The following USP42 variants were observed in gnomAD, a reference collection of about 807,000 sequenced individuals.
The protein encoded by USP42 is ubiquitin carboxyl-terminal hydrolase 42.
Under a neutral mutation model 113.0 loss-of-function variants are expected in USP42, and 23 were observed. The ratio of observed to expected loss-of-function variants is 0.20; its 90% CI spans 0.15 to 0.29. The LOEUF (loss-of-function observed/expected upper bound fraction) is 0.29. USP42 is among the 10% of genes least tolerant of loss of function. The pLI is 1.00. For missense variants in USP42, 2,174 were observed against 1,779.8 expected (o/e 1.22, Z -3.99); for synonymous variants, 933 against 699.0 (o/e 1.33, Z -5.28).
In USP42 at chr7:6,158,438, G is replaced by T. The variant is rs1017057808; in HGVS notation, c.3944-1012G>T. Among the ~76,000 whole-genome samples, 2 of 152,122 alleles carry T rather than the reference G, an allele frequency of 1.3e-5. No individual in the cohort carries two copies. Among genetic ancestry groups the T allele is most frequent in the African/African-American group, 4.8e-5 (2 of 41,428 alleles). ...GCTGCCCTGAGGCCTTTTGCTTCTC[G>T]GCTGAGTTGTGGGTTAGGTGGAGCT... On this transcript the variant is annotated intron_variant, in intron 16 of 17. Transcript: ENST00000306177. The surrounding 1 kb of genome is among the most constrained non-coding windows in gnomAD (Gnocchi z 4.2).
intron 3 of USP42, among the ~76,000 whole-genome samples, chr7:6,129,249 T>C (rs922780592): frequency 2.0e-5 from 3 of 152,214 alleles, no homozygotes; most frequent in African/African-American, 4.8e-5. Context: ...CCACTAGTTA[T>C]AATTGTTATA....
chr7:6,144,118 C>T lies in USP42; in HGVS notation c.912C>T (p.Phe304=). 1 of 1,581,036 alleles carries T rather than the reference C, an allele frequency of 6.3e-7. No homozygotes were observed. Among genetic ancestry groups the T allele is most frequent in the South Asian group, 1.2e-5 (1 of 83,718 alleles). Residue 304 remains phenylalanine, a synonymous_variant, in exon 9 of 18, where the codon TTC becomes TTT. Transcript: ENST00000306177. ...AGATGGTTCCAGCTTCAAAGAGGTT[C>T]ACTATCCATAGATCCTCTAATGTTC... ...CKKMVPASKR[F]TIHRSSNVLT...
At chr7:6,119,928 C>G (rs1780121769) in intron 3 of USP42, among the ~76,000 whole-genome samples, 2 of 151,804 alleles carry the variant, frequency 1.3e-5, no homozygotes, top group South Asian at 4.1e-4. Context: ...TCTTGAACTC[C>G]TACGCTTAAG....
At chr7:6,110,964 T>C (rs1779566334) in intron 1 of USP42, among the ~76,000 whole-genome samples, 161 bp from the exon 2 acceptor site, 1 of 152,210 alleles carries the variant, frequency 6.6e-6, no homozygotes, top group South Asian at 2.1e-4. Context: ...CCAAGGGGAT[T>C]ATTACAGAAA....
At position 6,160,000 on chromosome 7, in the gene USP42, G is replaced by A. The variant is rs1219760916; in HGVS notation, c.*36+507G>A. Among the ~76,000 whole-genome samples, 2 of 152,230 alleles carry A rather than the reference G, an allele frequency of 1.3e-5. No homozygotes were observed. The highest frequency in any genetic ancestry group is 4.8e-5 in the African/African-American group (2 of 41,462). On this transcript the variant is annotated intron_variant, in intron 17 of 17. Transcript: ENST00000306177. The surrounding 1 kb of genome is among the most constrained non-coding windows in gnomAD (Gnocchi z 4.1). ...AACCATAGGAAGGTGGCCCAGGGCC[G>A]GGCGGCAGATCAGGACCTCGGAGCT... is the stretch of plus-strand genomic sequence containing the variant.
rs755279154 is a variant in USP42 at position 6,139,057 on chromosome 7, A to AACG, written c.554-34_554-33insCGA. 3 of 1,439,878 alleles carry AACG rather than the reference A, an allele frequency of 2.1e-6. No homozygotes were observed. The African/African-American group carries it at 4.2e-5, about 20-fold the overall frequency. 89.2% of individuals were successfully genotyped at this position (1,439,878 alleles called of 1,614,324 possible). A position where few individuals can be genotyped will look rare whatever the true frequency, so the allele number is the denominator to read the frequency against. ...GGTACAACTTAGGCTTATTACGTGT[A>AACG]ATGATAAAGCCTTGTCTTTACCGAA... On this transcript the variant is annotated intron_variant, in intron 4 of 17. Transcript: ENST00000306177. This position sits in a 1 kb window ranked among gnomAD's most constrained non-coding sequence, Gnocchi z 4.5.
chr7:6,135,083 C>A (rs1781057964), intron 3 of USP42, among the ~76,000 whole-genome samples: 1 of 152,212 alleles, frequency 6.6e-6, no homozygotes, highest in Non-Finnish European at 1.5e-5. Context: ...AGCCATGGCG[C>A]CTGGCTTCCA....
chr7:6,139,022 T>C lies in USP42; in HGVS notation c.554-70T>C. 11 of 956,298 alleles carry C rather than the reference T, an allele frequency of 1.2e-5. No individual in the cohort carries two copies. Among genetic ancestry groups the C allele is most frequent in the Non-Finnish European group, 1.7e-5 (11 of 640,868 alleles). The allele number at this position is 956,298 out of a possible 1,614,324, so 59.2% of individuals were successfully genotyped here. A position where few individuals can be genotyped will look rare whatever the true frequency, so the allele number is the denominator to read the frequency against. On this transcript the variant is annotated intron_variant, in intron 4 of 17. Transcript: ENST00000306177. This position sits in a 1 kb window ranked among gnomAD's most constrained non-coding sequence, Gnocchi z 4.5. The stretch of plus-strand genomic sequence containing the variant: ...CCAACCAACATATTATTATAAGATA[T>C]ATTTTGGGGGGTACAACTTAGGCTT...
In USP42 at chr7:6,155,180, G is replaced by T; in HGVS notation, c.3626G>T (p.Arg1209Leu). ...KKKKKSKDKH[R>L]DRDSRHQQDS... ...AAAAAGAAATCCAAAGACAAACACCGAGACCGCGACTCCAGGTGAGCCTGG... is the reference window on the plus strand; with the variant it reads ...AAAAAGAAATCCAAAGACAAACACCTAGACCGCGACTCCAGGTGAGCCTGG... The change falls in exon 15 of 18, where the codon CGA becomes CTA. Residue 1209 changes from arginine to leucine, a missense_variant. Coordinates refer to ENST00000306177, the MANE Select transcript of USP42 (RefSeq NM_032172.3). 1 of 1,533,824 alleles carries T rather than the reference G, an allele frequency of 6.5e-7. No homozygotes were observed.
intron 17 of USP42, among the ~76,000 whole-genome samples, chr7:6,160,280 G>A (rs926160081): frequency 1.1e-4 from 16 of 152,202 alleles, no homozygotes; most frequent in African/African-American, 3.9e-4. Flanking sequence ...CCCTAATTAA[G>A]GAGCTAAACT....
At chr7:6,119,989 G>T (rs552148374) in intron 3 of USP42, among the ~76,000 whole-genome samples, 3 of 151,882 alleles carry the variant, frequency 2.0e-5, no homozygotes, top group Non-Finnish European at 4.4e-5. Flanking sequence ...TTTTTGAGAC[G>T]GAGTCTCGCT....
chr7:6,117,890 T>A (rs1200258375), intron 3 of USP42, among the ~76,000 whole-genome samples: 1 of 152,230 alleles, frequency 6.6e-6, no homozygotes, highest in African/African-American at 2.4e-5. Flanking sequence ...TTTGCTAAAA[T>A]GCCTGTTGAA....
chr7:6,155,877 G>A (rs973882914), intron 15 of USP42, among the ~76,000 whole-genome samples: 2 of 152,070 alleles, frequency 1.3e-5, no homozygotes, highest in African/African-American at 4.8e-5. Flanking sequence ...TCAGCCCTCA[G>A]CCTCTGGAGT....
At position 6,111,241 on chromosome 7, in the gene USP42, C is replaced by G. The variant is rs747020183; in HGVS notation, c.108C>G (p.Ala36=). The change falls in exon 2 of 18, where the codon GCC becomes GCG. Residue 36 remains alanine (A), a synonymous_variant. Transcript: ENST00000306177. ...VSPGDMDAGS[A]SWGAVSSLND... The stretch of plus-strand genomic sequence containing the variant: ...CTGGAGACATGGATGCAGGTTCTGC[C>G]AGCTGGGGTGCTGTGTCTTCATTGA... The G allele has an allele frequency of 3.1e-6, 5 of 1,608,960 alleles. No individual in the cohort carries two copies. Among genetic ancestry groups the G allele is most frequent in the Admixed American group, 1.7e-5 (1 of 58,910 alleles).
chr7:6,127,908 G>A (rs1780625820), intron 3 of USP42, among the ~76,000 whole-genome samples: 1 of 151,956 alleles, frequency 6.6e-6, no homozygotes, highest in Admixed American at 6.6e-5. Context: ...AACCATTCCT[G>A]CTTTTTTTGT....
chr7:6,154,579 G>A lies in USP42; in HGVS notation c.3025G>A (p.Gly1009Ser). 1 of 1,563,092 alleles carries A rather than the reference G, an allele frequency of 6.4e-7. No individual in the cohort carries two copies. ...CGGCCACGGCGACAGGCTCAGCCCT[G>A]GCGAGCGCCGCTCTCTGGGCAGGTG... ...HPGHGDRLSP[G>S]ERRSLGRCSH... Residue 1009 changes from glycine to serine, a missense_variant, in exon 15 of 18, where the codon GGC becomes AGC. By Grantham distance (56) the Gly-to-Ser change is moderately conservative (BLOSUM62 0). Transcript: ENST00000306177.
At chr7:6,106,125 A>G (rs552296574) in intron 1 of USP42, among the ~76,000 whole-genome samples, 3 of 152,330 alleles carry the variant, frequency 2.0e-5, no homozygotes, top group African/African-American at 7.2e-5. Flanking sequence ...TTTGTTTTAA[A>G]TTAGGGTCAG....
At chr7:6,102,999 G>C (rs1790175609), upstream of USP42, among the ~76,000 whole-genome samples, 1 of 151,006 alleles carries the variant, frequency 6.6e-6, no homozygotes, top group Non-Finnish European at 1.5e-5. Context: ...GTAAACATGA[G>C]TTGGTGTAAA....
rs1220863047 is a variant in USP42 at position 6,111,036 on chromosome 7, C to T, written c.-9-89C>T. ...GTGTTTGAAAATCACTTTAAAATGG[C>T]TGGAATGATCTTCCAAGATCTAACG... On this transcript the variant is annotated intron_variant, in intron 1 of 17. Coordinates refer to ENST00000306177, the MANE Select transcript of USP42 (RefSeq NM_032172.3). 6 of 1,349,012 alleles carry T rather than the reference C, an allele frequency of 4.4e-6. No homozygotes were observed. In the East Asian group the frequency reaches 1.5e-4, roughly 33 times the overall value. 83.6% of individuals were successfully genotyped at this position (1,349,012 alleles called of 1,614,324 possible).
Sources: allele counts gnomAD v4.1 joint callset (sites outside exome capture counted in the v4.1 genomes callset), GRCh38; gene constraint gnomAD v4.1.1; non-coding constraint Gnocchi (gnomAD v3.1); transcripts MANE v1.5; gene names NCBI Gene and HGNC (gene_info 2026-07-23, HGNC 2026-07-21).